The following C16orf96 variants were observed in gnomAD, a reference collection of about 807,000 sequenced individuals.
The protein encoded by C16orf96 is chromosome 16 open reading frame 96.
C16orf96 carries 108 observed loss-of-function variants against 103.6 expected under a neutral mutation model. The observed-to-expected ratio is 1.04, with a 90% CI of 0.89 to 1.22. The LOEUF (loss-of-function observed/expected upper bound fraction) is 1.22. Ranked by LOEUF, C16orf96 falls within the 50% of genes most tolerant of loss-of-function variation. The pLI is 0.00. For missense variants in C16orf96, 1,586 were observed against 1,464.2 expected (o/e 1.08, Z -1.36); for synonymous variants, 566 against 593.5 (o/e 0.95, Z 0.67).
At position 4,571,015 on chromosome 16, in the gene C16orf96, A is replaced by T. The variant is rs541498990; in HGVS notation, c.421-546A>T. On this transcript the variant is annotated intron_variant, in intron 1 of 15. Transcript: ENST00000444310. ...GAAACCCCATCTCTACCAAACAAAA[A>T]CAAAAACAAAAACAAAAAAAATTAG... 2.6e-5 allele frequency among the ~76,000 whole-genome samples: 4 copies of T among 152,168 alleles called. No individual in the cohort carries two copies. The South Asian group carries it at 8.3e-4, about 32-fold the overall frequency.
chr16:4,573,438 CAAAAAAA>C (rs71139644), intron 2 of C16orf96, among the ~76,000 whole-genome samples: 1 of 69,714 alleles, frequency 1.4e-5, no homozygotes, highest in Non-Finnish European at 2.6e-5. Context: ...GACTCCGTCT[CAAAAAAA>C]AAAAAAAAAA....
At chr16:4,547,532 T>C in the C16orf96 span, among the ~76,000 whole-genome samples, 1 of 152,090 alleles carries the variant, frequency 6.6e-6, no homozygotes. Context: ...ACCTAGGGCG[T>C]GGGGAGTTCA....
intron 1 of C16orf96, among the ~76,000 whole-genome samples, chr16:4,565,528 G>A (rs2059377971): frequency 6.6e-6 from 1 of 152,184 alleles, no homozygotes. Context: ...TGGCTCTGGC[G>A]CCCAGGCTGG....
At chr16:4,580,242 C>G in intron 7 of C16orf96, 117 bp downstream of exon 7, 1 of 727,970 alleles carries the variant, frequency 1.4e-6, no homozygotes, top group Non-Finnish European at 2.1e-6. Flanking sequence ...GGCTGGGAAC[C>G]AGTGGGGCTT....
At chr16:4,578,541 C>G (rs1030930882) in intron 5 of C16orf96, among the ~76,000 whole-genome samples, 3 of 152,012 alleles carry the variant, frequency 2.0e-5, no homozygotes, top group African/African-American at 2.4e-5. Flanking sequence ...AGGCGGATCA[C>G]GAGGTCAAGA....
At chr16:4,563,258 T>C (rs1458212634) in intron 1 of C16orf96, 10 of 433,206 alleles carry the variant, frequency 2.3e-5, no homozygotes, top group Admixed American at 7.1e-5. Context: ...ACTCGTTTGT[T>C]TTTATTTTTA....
At chr16:4,550,912 A>G in the C16orf96 span, among the ~76,000 whole-genome samples, 149 of 152,342 alleles carry the variant, frequency 9.8e-4, 1 homozygote, top group Non-Finnish European at 1.8e-3. Context: ...CAAAACCCAA[A>G]TGGAATCCAC....
intron 14 of C16orf96, among the ~76,000 whole-genome samples, chr16:4,598,947 C>T (rs1897229778): frequency 6.6e-6 from 1 of 151,628 alleles, no homozygotes; most frequent in Admixed American, 6.6e-5. Context: ...GCGAGACCTC[C>T]TCCCTAGGAA....
rs556900169 is a variant in C16orf96, at chr16:4,558,829, C to T, written c.420+1920C>T. Among the ~76,000 whole-genome samples the T allele has an allele frequency of 5.3e-5, 8 of 151,134 alleles. No homozygotes were observed. In the South Asian group the frequency reaches 6.3e-4, roughly 12 times the overall value. ...ACTCGGGAGGCTGAGGCAGGAGAAT[C>T]GCTTGAACCCAGGAGGCGGAACTTG... On this transcript the variant is annotated intron_variant, in intron 1 of 15. Transcript: ENST00000444310.
chr16:4,588,254 A>G lies in C16orf96; in HGVS notation c.2515A>G (p.Ile839Val). The G allele has an allele frequency of 6.4e-7, 1 of 1,551,722 alleles. No individual in the cohort carries two copies. Among genetic ancestry groups the G allele is most frequent in the Non-Finnish European group, 8.7e-7 (1 of 1,146,990 alleles). The change falls in exon 9 of 16, where the codon ATA becomes GTA. Residue 839 changes from isoleucine (I) to valine (V), a missense_variant. Physicochemically the swap from Ile to Val is conservative, Grantham distance 29. Coordinates refer to ENST00000444310, the MANE Select transcript of C16orf96 (RefSeq NM_001145011.2). ...ALELNEMIQG[I>V]LFKVTIHEDS... Reference sequence around the variant, plus strand: ...GGAGCTGAACGAGATGATTCAGGGCATACTCTTCAAGGTCACGATCCATGA... The same window carrying G: ...GGAGCTGAACGAGATGATTCAGGGCGTACTCTTCAAGGTCACGATCCATGA...
intron 1 of C16orf96, among the ~76,000 whole-genome samples, chr16:4,565,393 C>G (rs1220618427): frequency 6.6e-6 from 1 of 152,208 alleles, no homozygotes; most frequent in Non-Finnish European, 1.5e-5. Flanking sequence ...CAGAGCATGT[C>G]CCCTACATGT....
chr16:4,552,210 G>A (rs1036864435), upstream of C16orf96, among the ~76,000 whole-genome samples: 7 of 152,122 alleles, frequency 4.6e-5, no homozygotes, highest in South Asian at 4.2e-4. Flanking sequence ...GGCCGGGCGC[G>A]GTGGCTCACG....
Position 4,575,002 on chromosome 16 carries a change from C to T in C16orf96, c.637C>T (p.Pro213Ser). The T allele has an allele frequency of 6.4e-7, 1 of 1,551,488 alleles. No homozygotes were observed. The highest frequency in any genetic ancestry group is 8.7e-7 in the Non-Finnish European group (1 of 1,147,006). The part of the protein sequence containing the change: ...ASLQNKFKTI[P>S]KTEDMVLWSG... ...TCTCCAGAATAAGTTTAAAACCATC[C>T]CCAAAACCGAGGACATGGTGCTCTG... is the stretch of plus-strand genomic sequence containing the variant. Residue 213 changes from proline (P) to serine (S), a missense_variant, in exon 4 of 16, where the codon CCC becomes TCC. Transcript: ENST00000444310.
chr16:4,587,154 C>T, intron 8 of C16orf96, 41 bp downstream of exon 8: 4 of 1,499,830 alleles, frequency 2.7e-6, no homozygotes, highest in Non-Finnish European at 3.6e-6. Flanking sequence ...TGCTCCCCTA[C>T]CCAGGGAAAC....
the C16orf96 span, among the ~76,000 whole-genome samples, chr16:4,547,689 C>CTTCCTTCCTTCCTCCTTTCT: frequency 4.4e-5 from 1 of 22,574 alleles, no homozygotes; most frequent in Admixed American, 5.6e-4. Flanking sequence ...TCCTTCCTTC[C>CTTCCTTCCTTCCTCCTTTCT]TTCTTTCTTT....
chr16:4,555,252 G>C (rs1372750714), upstream of C16orf96, among the ~76,000 whole-genome samples: 1 of 144,194 alleles, frequency 6.9e-6, no homozygotes, highest in Non-Finnish European at 1.5e-5. Flanking sequence ...AACAGAGAAA[G>C]ACTTTGTCAC....
At position 4,559,372 on chromosome 16, in the gene C16orf96, G is replaced by A. The variant is rs143761567; in HGVS notation, c.420+2463G>A. Among the ~76,000 whole-genome samples the A allele has an allele frequency of 6.9e-3, 1,041 of 151,444 alleles. 15 individuals carry two copies. The highest frequency in any genetic ancestry group is 0.022 in the African/African-American group (921 of 41,246). ...AGCCTGGCCAACATCATGAAAACCC[G>A]TCTCTACTAAAAATAAAAATAAAAA... On this transcript the variant is annotated intron_variant, in intron 1 of 15. Transcript: ENST00000444310.
At chr16:4,558,542 T>C (rs1185214809) in intron 1 of C16orf96, among the ~76,000 whole-genome samples, 1 of 151,214 alleles carries the variant, frequency 6.6e-6, no homozygotes, top group African/African-American at 2.4e-5. Context: ...ACCCCAGGAG[T>C]TGGAAGCTGC....
chr16:4,595,598 C>T (rs576038202), intron 14 of C16orf96, among the ~76,000 whole-genome samples: 2 of 152,170 alleles, frequency 1.3e-5, no homozygotes, highest in African/African-American at 2.4e-5. Flanking sequence ...AAATTTTGCC[C>T]CTGGGTGGGA....
Sources: gnomAD v4.1 joint callset for allele counts (sites outside exome capture counted in the v4.1 genomes callset) on GRCh38, gnomAD v4.1.1 for gene constraint, MANE v1.5 for transcripts, NCBI Gene and HGNC (gene_info 2026-07-23, HGNC 2026-07-21) for gene names.